The following SATB1 variants were observed in gnomAD, a reference collection of about 807,000 sequenced individuals.
SATB1 encodes DNA-binding protein SATB1.
SATB1 carries 11 observed loss-of-function variants against 86.9 expected under a neutral mutation model. That is an observed-to-expected ratio of 0.13 (90% CI 0.08 to 0.21). The LOEUF (loss-of-function observed/expected upper bound fraction) is 0.21. SATB1 is among the 10% of genes least tolerant of loss of function. The probability of loss-of-function intolerance (pLI) is 1.00; values close to 1 mark genes in which losing one functional copy is unlikely to be tolerated. For synonymous variants in SATB1, 357 were observed against 357.2 expected, an observed-to-expected ratio of 1.00 and a Z score of 0.01; for missense variants, 551 against 937.6, an observed-to-expected ratio of 0.59 and a Z score of 5.39.
intron 5 of SATB1, among the ~76,000 whole-genome samples, chr3:18,404,395 G>A (rs995050867): frequency 6.6e-6 from 1 of 152,006 alleles, no homozygotes; most frequent in African/African-American, 2.4e-5. Context: ...TTAAACTCCA[G>A]TTGTCATAGT....
intron 2 of SATB1, among the ~76,000 whole-genome samples, chr3:18,435,819 C>T (rs781438488): frequency 6.6e-6 from 1 of 152,036 alleles, no homozygotes; most frequent in African/African-American, 2.4e-5. Flanking sequence ...ATTTTTGTCT[C>T]GTGGATGGCA....
chr3:18,360,404 C>T (rs1355727124), intron 9 of SATB1, among the ~76,000 whole-genome samples: 1 of 152,100 alleles, frequency 6.6e-6, no homozygotes, highest in Non-Finnish European at 1.5e-5. Context: ...TTTCGAGGTT[C>T]CTCCCAATGA....
At chr3:18,372,904 A>G (rs1695546000) in intron 9 of SATB1, among the ~76,000 whole-genome samples, 2 of 152,208 alleles carry the variant, frequency 1.3e-5, no homozygotes, top group African/African-American at 4.8e-5. Context: ...TGAACTCCAC[A>G]TCCTTCTTAC....
In SATB1 at chr3:18,406,206, A is replaced by G. The variant is rs187942413; in HGVS notation, c.639+8905T>C. On this transcript the variant is annotated intron_variant, in intron 5 of 10. Coordinates refer to ENST00000338745, the MANE Select transcript of SATB1 (RefSeq NM_002971.6). ...TCTCTCTAAATTCAGGTGACTCTAG[A>G]CCTGTATACAGCTGACTTTAAAACA... is the stretch of plus-strand genomic sequence containing the variant. 7.9e-4 allele frequency among the ~76,000 whole-genome samples: 120 copies of G among 152,060 alleles called. 1 individual carries two copies. The highest frequency in any genetic ancestry group is 2.9e-3 in the African/African-American group (119 of 41,528).
In SATB1 at chr3:18,348,442, C is replaced by G. The variant is rs1214114042; in HGVS notation, c.*728G>C. The G allele has an allele frequency of 6.6e-6, 1 of 152,652 alleles. No individual in the cohort carries two copies. Among genetic ancestry groups the G allele is most frequent in the East Asian group, 1.9e-4 (1 of 5,186 alleles). The allele number at this position is 152,652 out of a possible 1,614,324, so 9.5% of individuals were successfully genotyped here. A position where few individuals can be genotyped will look rare whatever the true frequency, so the allele number is the denominator to read the frequency against. On this transcript the variant is annotated 3_prime_UTR_variant, in exon 11 of 11. Coordinates refer to ENST00000338745, the MANE Select transcript of SATB1 (RefSeq NM_002971.6). The stretch of plus-strand genomic sequence containing the variant: ...TATGGTAACAAGAGAAGCAATATTA[C>G]ATTTAACGGAAACTTCCAAAAAATT...
At chr3:18,405,648 C>T (rs921914109) in intron 5 of SATB1, among the ~76,000 whole-genome samples, 2 of 151,894 alleles carry the variant, frequency 1.3e-5, no homozygotes, top group Admixed American at 1.3e-4. Flanking sequence ...TACAGGGCCA[C>T]AGAACTAACT....
intron 9 of SATB1, among the ~76,000 whole-genome samples, chr3:18,368,430 C>A (rs556093456): frequency 9.5e-4 from 144 of 152,102 alleles, no homozygotes; most frequent in Admixed American, 8.9e-3. Flanking sequence ...GATTTTAAAG[C>A]TGAAAGTTAT....
intron 5 of SATB1, among the ~76,000 whole-genome samples, chr3:18,398,217 T>A (rs902144325): frequency 1.1e-4 from 17 of 152,186 alleles, no homozygotes; most frequent in Admixed American, 8.5e-4. Flanking sequence ...TTTCTTTTTT[T>A]AAATCATTTT....
Position 18,349,934 on chromosome 3 carries a change from AG to A in SATB1, c.1780-253del, listed in dbSNP as rs1223337256. On this transcript the variant is annotated intron_variant, in intron 10 of 10. Transcript: ENST00000338745. This position sits in a 1 kb window ranked among gnomAD's most constrained non-coding sequence, Gnocchi z 5.5. Reference sequence around the variant, plus strand: ...GCACTTACTTATCAGAGATCAGCAGAGGAAGTGAAAACTCAGTGCTCTGAAA... The same window carrying A: ...GCACTTACTTATCAGAGATCAGCAGAGAAGTGAAAACTCAGTGCTCTGAAA... The A allele has an allele frequency of 1.9e-6, 1 of 539,912 alleles. No individual in the cohort carries two copies. Among genetic ancestry groups the A allele is most frequent in the Non-Finnish European group, 3.0e-6 (1 of 329,162 alleles). 33.4% of individuals were successfully genotyped at this position (539,912 alleles called of 1,614,324 possible).
At chr3:18,434,420 A>G (rs1440463707) in intron 2 of SATB1, among the ~76,000 whole-genome samples, 1 of 151,922 alleles carries the variant, frequency 6.6e-6, no homozygotes, top group African/African-American at 2.4e-5. Flanking sequence ...ATAGCATAAC[A>G]TTTTTATATG....
intron 5 of SATB1, among the ~76,000 whole-genome samples, chr3:18,400,191 C>T (rs1435577128): frequency 1.3e-5 from 2 of 152,112 alleles, no homozygotes; most frequent in Non-Finnish European, 2.9e-5. Flanking sequence ...AGGCCAAGTT[C>T]CATGTTAGAA....
intron 7 of SATB1, among the ~76,000 whole-genome samples, chr3:18,390,354 C>T (rs1696593278): frequency 6.6e-6 from 1 of 152,156 alleles, no homozygotes; most frequent in Admixed American, 6.5e-5. Context: ...CTACCTGCCT[C>T]TGTTGTTTGG....
In SATB1 at chr3:18,394,332, G is replaced by A; in HGVS notation, c.1206+130C>T. On this transcript the variant is annotated intron_variant, in intron 7 of 10. Coordinates refer to ENST00000338745, the MANE Select transcript of SATB1 (RefSeq NM_002971.6). This position sits in a 1 kb window ranked among gnomAD's most constrained non-coding sequence, Gnocchi z 5.9. The stretch of plus-strand genomic sequence containing the variant: ...AAAATTGAGGCTCCACCAGGAATAG[G>A]TAATATGATCACATGAAGAGAGAGA... 1 of 767,664 alleles carries A rather than the reference G, an allele frequency of 1.3e-6. No homozygotes were observed. Among genetic ancestry groups the A allele is most frequent in the South Asian group, 1.8e-5 (1 of 55,212 alleles). 47.6% of individuals were successfully genotyped at this position (767,664 alleles called of 1,614,324 possible).
upstream of SATB1, among the ~76,000 whole-genome samples, chr3:18,438,928 CA>C (rs1699160705): frequency 6.6e-6 from 1 of 152,224 alleles, no homozygotes; most frequent in Admixed American, 6.5e-5. Flanking sequence ...GCAAGCATTT[CA>C]GCCTCATCTG....
chr3:18,438,001 T>C (rs998246709), intron 1 of SATB1, among the ~76,000 whole-genome samples: 4 of 152,180 alleles, frequency 2.6e-5, no homozygotes, highest in African/African-American at 9.7e-5. Flanking sequence ...GAAAACTCAA[T>C]TGCATTCAAT....
chr3:18,386,676 T>TC lies in SATB1; in HGVS notation c.1207-66dup. 1 of 1,259,348 alleles carries TC rather than the reference T, an allele frequency of 7.9e-7. No individual in the cohort carries two copies. Among genetic ancestry groups the TC allele is most frequent in the Non-Finnish European group, 1.2e-6 (1 of 862,322 alleles). 78.0% of individuals were successfully genotyped at this position (1,259,348 alleles called of 1,614,324 possible). ...GCTTTGCCTGGCCAGCAGTGATCCT[T>TC]CCCTTTTCTTCTCCACTCTGTTTAG... On this transcript the variant is annotated intron_variant, in intron 7 of 10. Transcript: ENST00000338745. This position sits in a 1 kb window ranked among gnomAD's most constrained non-coding sequence, Gnocchi z 4.5.
chr3:18,399,393 T>TA (rs1697134016), intron 5 of SATB1, among the ~76,000 whole-genome samples: 1 of 152,170 alleles, frequency 6.6e-6, no homozygotes, highest in African/African-American at 2.4e-5. Context: ...AGAACACAGA[T>TA]ATGTAAATAG....
intron 2 of SATB1, among the ~76,000 whole-genome samples, chr3:18,418,130 G>A (rs936019801): frequency 7.2e-5 from 11 of 152,234 alleles, no homozygotes; most frequent in Middle Eastern, 3.4e-3. Flanking sequence ...TAGCATAAAT[G>A]ATGACAAGGG....
intron 5 of SATB1, among the ~76,000 whole-genome samples, chr3:18,398,385 T>G (rs190541779): frequency 3.3e-5 from 5 of 152,272 alleles, no homozygotes; most frequent in Admixed American, 3.3e-4. Flanking sequence ...CACCCCTATG[T>G]GCAGAAACAT....
Sources: gnomAD v4.1 joint callset for allele counts (sites outside exome capture counted in the v4.1 genomes callset) on GRCh38, gnomAD v4.1.1 for gene constraint, Gnocchi (gnomAD v3.1) non-coding constraint, MANE v1.5 for transcripts, NCBI Gene and HGNC (gene_info 2026-07-23, HGNC 2026-07-21) for gene names.